The following FAT1 variants were observed in gnomAD, a reference collection of about 807,000 sequenced individuals.
FAT1 encodes the protein protocadherin Fat 1.
Under a neutral mutation model 329.8 loss-of-function variants are expected in FAT1, and 171 were observed. That is an observed-to-expected ratio of 0.52 (90% CI 0.46 to 0.59). The LOEUF is 0.59. Among genes scored for constraint, FAT1 ranks in the 20% least tolerant of loss-of-function variants. The probability of loss-of-function intolerance (pLI) is 0.00; values close to 1 mark genes in which losing one functional copy is unlikely to be tolerated. For missense variants in FAT1, 5,672 were observed against 5,774.4 expected, an observed-to-expected ratio of 0.98 and a Z score of 0.57; for synonymous variants, 2,233 against 2,228.6, an observed-to-expected ratio of 1.00 and a Z score of -0.06.
Position 186,619,343 on chromosome 4 carries a change from A to T in FAT1, c.7243T>A (p.Tyr2415Asn), listed in dbSNP as rs780479078. 1 of 1,614,060 alleles carries T rather than the reference A, an allele frequency of 6.2e-7. No individual in the cohort carries two copies. ...TCTATGTCTGAACTGTCTGCATCATAGGCTTTTACACAGGTCACGAAATGC... is the reference window on the plus strand; with the variant it reads ...TCTATGTCTGAACTGTCTGCATCATTGGCTTTTACACAGGTCACGAAATGC... ...HGHFVTCVKAYDADSSDIDKL... is the reference protein window; with the variant it reads ...HGHFVTCVKANDADSSDIDKL... The change falls in exon 10 of 27, where the codon TAT (tyrosine) becomes AAT (asparagine). Residue 2415 changes from tyrosine to asparagine, a missense_variant. By Grantham distance (143) the Tyr-to-Asn change is moderately radical. Transcript: ENST00000441802.
At chr4:186,660,553 A>G (rs1387203291) in intron 3 of FAT1, among the ~76,000 whole-genome samples, 1 of 152,214 alleles carries the variant, frequency 6.6e-6, no homozygotes, top group African/African-American at 2.4e-5. Context: ...TAAGGAAAGA[A>G]AGCCTCTGTG....
At chr4:186,697,816 T>C (rs73873700) in intron 2 of FAT1, among the ~76,000 whole-genome samples, 1,592 of 152,286 alleles carry the variant, frequency 0.01, 22 homozygotes, top group African/African-American at 0.035. Flanking sequence ...TGAGAATTTG[T>C]GAGGACTGAC....
chr4:186,589,584 G>T (rs1361224562), intron 26 of FAT1, among the ~76,000 whole-genome samples: 1 of 152,170 alleles, frequency 6.6e-6, no homozygotes, highest in African/African-American at 2.4e-5. Flanking sequence ...CCACTGCTCT[G>T]TAGGAAGAAG....
intron 3 of FAT1, 73 bp from the exon 4 acceptor site, chr4:186,639,856 C>A: frequency 7.7e-7 from 1 of 1,306,592 alleles, no homozygotes; most frequent in Non-Finnish European, 1.1e-6. Context: ...TAAAATCACA[C>A]TCTTGGCCAG....
chr4:186,618,497 C>T lies in FAT1; in HGVS notation c.8089G>A (p.Glu2697Lys), dbSNP rs1330099752. ...TCTGAAAATTTTGGAAGCTGCATTT[C>T]CGGTGGAAGGATTTTAACATAGACA... ...VLVYVKILPP[E>K]MQLPKFSEPF... is the part of the protein sequence containing the mutation. The change falls in exon 10 of 27, where the codon GAA (glutamate) becomes AAA (lysine). Residue 2697 changes from glutamate to lysine, a missense_variant. By Grantham distance (56) the Glu-to-Lys change is moderately conservative. Transcript: ENST00000441802. 6.2e-7 allele frequency: 1 copy of T among 1,614,022 alleles called. No individual in the cohort carries two copies.
chr4:186,615,866 C>A (rs1022160894), intron 11 of FAT1, among the ~76,000 whole-genome samples: 15 of 152,194 alleles, frequency 9.9e-5, no homozygotes, highest in Admixed American at 2.6e-4. Flanking sequence ...ACCCATCCAA[C>A]ATCTCGCCAT....
At chr4:186,602,190 C>T (rs775485437) in intron 20 of FAT1, among the ~76,000 whole-genome samples, 9 of 151,994 alleles carry the variant, frequency 5.9e-5, no homozygotes, top group African/African-American at 1.2e-4. Flanking sequence ...GTTTTATAAT[C>T]GAAAATGTTC....
intron 16 of FAT1, among the ~76,000 whole-genome samples, chr4:186,606,899 C>T (rs541805756): frequency 3.3e-5 from 5 of 152,246 alleles, no homozygotes; most frequent in Non-Finnish European, 7.3e-5. Flanking sequence ...GTTAGTCCTG[C>T]AAGACGCTCC....
chr4:186,620,484 G>A lies in FAT1; in HGVS notation c.6102C>T (p.Thr2034=), dbSNP rs1436632541. 1 of 1,613,888 alleles carries A rather than the reference G, an allele frequency of 6.2e-7. No homozygotes were observed. Among genetic ancestry groups the A allele is most frequent in the African/African-American group, 1.3e-5 (1 of 74,928 alleles). ...KISRTSGVLS[T]TGTPFDREQQ... ...GCTCACGATCGAAGGGCGTGCCAGT[G>A]GTTGACAGAACTCCTGAAGTGCGGC... The change falls in exon 10 of 27, where the codon ACC becomes ACT. Residue 2034 remains threonine, a synonymous_variant. Coordinates refer to ENST00000441802, the MANE Select transcript of FAT1 (RefSeq NM_005245.4).
chr4:186,604,796 A>G lies in FAT1; in HGVS notation c.10351-222T>C, dbSNP rs114385050. On this transcript the variant is annotated intron_variant, in intron 17 of 26. Transcript: ENST00000441802. ...AAGGGAAGAAAAAGGAGGATGAAGG[A>G]AACATGGTAAGAAAGGGAGTGTGAG... 0.019 allele frequency among the ~76,000 whole-genome samples: 2,852 copies of G among 151,706 alleles called. 86 individuals carry two copies. Among genetic ancestry groups the G allele is most frequent in the African/African-American group, 0.063 (2,605 of 41,290 alleles).
In FAT1 at chr4:186,618,293, T is replaced by G. The variant is rs1669222762; in HGVS notation, c.8293A>C (p.Ser2765Arg). 1.9e-6 allele frequency: 3 copies of G among 1,613,936 alleles called. No homozygotes were observed. The African/African-American group carries it at 4.0e-5, about 22-fold the overall frequency. The stretch of plus-strand genomic sequence containing the variant: ...CACTTAGTTGTCTCATGATCAAGAC[T>G]CTTCTCCAACTTCAGTCTCCCGCTC... Reference protein sequence around the residue: ...RQSGRLKLEKSLDHETTKWYQ... With the variant: ...RQSGRLKLEKRLDHETTKWYQ... Residue 2765 changes from serine to arginine, a missense_variant, in exon 10 of 27, where the codon AGT becomes CGT. Coordinates refer to ENST00000441802, the MANE Select transcript of FAT1 (RefSeq NM_005245.4).
At chr4:186,683,087 A>T (rs1199991580) in intron 2 of FAT1, among the ~76,000 whole-genome samples, 4 of 152,162 alleles carry the variant, frequency 2.6e-5, no homozygotes, top group Non-Finnish European at 5.9e-5. Flanking sequence ...ACCTTCCACC[A>T]TACAAGCTTG....
intron 9 of FAT1, among the ~76,000 whole-genome samples, chr4:186,626,223 AGAAT>A (rs1286393397): frequency 1.4e-3 from 140 of 99,204 alleles, no homozygotes; most frequent in South Asian, 2.8e-3. Context: ...ATCAGCCTAC[AGAAT>A]GAATGAATGA....
rs2126682775 is a variant in FAT1, at chr4:186,706,727, A to C, written c.3101T>G (p.Phe1034Cys). 1 of 1,613,970 alleles carries C rather than the reference A, an allele frequency of 6.2e-7. No individual in the cohort carries two copies. Residue 1034 changes from phenylalanine to cysteine, a missense_variant, in exon 2 of 27, where the codon TTT becomes TGT. Physicochemically the swap from Phe to Cys is radical, Grantham distance 205. Coordinates refer to ENST00000441802, the MANE Select transcript of FAT1 (RefSeq NM_005245.4). ...TGTCCCCTTTTCCACAAAGCTGGAAAACACGGGTGGGTGCAGGTTCTCATT... is the reference window on the plus strand; with the variant it reads ...TGTCCCCTTTTCCACAAAGCTGGAACACACGGGTGGGTGCAGGTTCTCATT... ...DVNENLHPPV[F>C]SSFVEKGTVK...
rs1367311827 is a variant in FAT1, at chr4:186,595,814, T to C, written c.13013A>G (p.Asp4338Gly). The C allele has an allele frequency of 1.2e-6, 2 of 1,613,872 alleles. No individual in the cohort carries two copies. Among genetic ancestry groups the C allele is most frequent in the Non-Finnish European group, 1.7e-6 (2 of 1,179,880 alleles). ...WDFDYDTKVVDLDPCLSKKPL... is the reference protein window; with the variant it reads ...WDFDYDTKVVGLDPCLSKKPL... ...CTTCTTGGAAAGACAGGGATCAAGA[T>C]CCACCACTTTTGCTAAAAGGAAGGA... is the stretch of plus-strand genomic sequence containing the variant. The change falls in exon 26 of 27, where the codon GAT becomes GGT. Residue 4338 changes from aspartate (D) to glycine (G), a missense_variant. Physicochemically the swap from Asp to Gly is moderately conservative, Grantham distance 94 (BLOSUM62 -1). Around this residue, in one of 2 missense-constraint regions of FAT1, gnomAD observed 1,706 missense variants for 1,859.1 expected, o/e 0.92. Coordinates refer to ENST00000441802, the MANE Select transcript of FAT1 (RefSeq NM_005245.4).
chr4:186,621,847 G>T, intron 9 of FAT1, 72 bp from the exon 10 acceptor site: 1 of 909,510 alleles, frequency 1.1e-6, no homozygotes, highest in Non-Finnish European at 1.6e-6. Flanking sequence ...TAGAGAAACA[G>T]AAACAAAGTA....
At chr4:186,603,128 G>A (rs370857943) in intron 19 of FAT1, 48 bp downstream of exon 19, 84 of 1,607,202 alleles carry the variant, frequency 5.2e-5, no homozygotes, top group African/African-American at 5.3e-5. Flanking sequence ...TTCAAAGGCC[G>A]TCTGAAACCA....
intron 1 of FAT1, among the ~76,000 whole-genome samples, chr4:186,712,170 G>A (rs1317614341): frequency 2.6e-5 from 4 of 152,174 alleles, no homozygotes; most frequent in African/African-American, 4.8e-5. Context: ...CTGGAAAAAC[G>A]AAGCTGATCC....
At chr4:186,617,683 A>G (rs1739776766) in intron 10 of FAT1, 25 bp downstream of exon 10, 4 of 1,507,138 alleles carry the variant, frequency 2.7e-6, no homozygotes, top group Admixed American at 4.3e-5. Flanking sequence ...AATTAATTAA[A>G]CCGTTTGGTA....
Sources: allele counts gnomAD v4.1 joint callset (sites outside exome capture counted in the v4.1 genomes callset), GRCh38; gene constraint gnomAD v4.1.1; regional missense constraint gnomAD v4.1.1; transcripts MANE v1.5; gene names NCBI Gene and HGNC (gene_info 2026-07-23, HGNC 2026-07-21).